The following SYNE1 variants were observed in gnomAD, a reference collection of about 807,000 sequenced individuals.
SYNE1 encodes nesprin-1.
In SYNE1, 616 loss-of-function variants were observed where a neutral mutation model predicts 1,111.0. The ratio of observed to expected loss-of-function variants is 0.55; its 90% CI spans 0.52 to 0.59. SYNE1 has a LOEUF of 0.59. Ranked by LOEUF, SYNE1 falls within the 20% of genes least tolerant of loss-of-function variation. SYNE1 has a pLI of 0.00. For synonymous variants in SYNE1, 3,855 were observed against 3,825.8 expected (o/e 1.01, Z -0.28); for missense variants, 10,006 against 10,417.0 (o/e 0.96, Z 1.72).
At chr6:152,511,502 TAGC>T (rs1402985378) in intron 6 of SYNE1, 1 of 1,424,748 alleles carries the variant, frequency 7.0e-7, no homozygotes, top group Admixed American at 1.7e-5. Context: ...TGTTACCAAA[TAGC>T]AGGTAACTTA....
chr6:152,559,451 CA>C (rs762862698), intron 3 of SYNE1, among the ~76,000 whole-genome samples: 1 of 151,452 alleles, frequency 6.6e-6, no homozygotes, highest in South Asian at 2.1e-4. Flanking sequence ...TTTCTGACCA[CA>C]AAAAAACATA....
chr6:152,234,370 C>T (rs1354840332), intron 111 of SYNE1, among the ~76,000 whole-genome samples: 1 of 152,148 alleles, frequency 6.6e-6, no homozygotes, highest in East Asian at 1.9e-4. Flanking sequence ...TCTCAGCTCG[C>T]TGCAATCTCT....
At chr6:152,387,532 ACTT>A in intron 53 of SYNE1, 151 bp from the exon 54 acceptor site, 1 of 739,902 alleles carries the variant, frequency 1.4e-6, no homozygotes, top group Non-Finnish European at 2.3e-6. Context: ...GAGAAACACT[ACTT>A]CTCTGATCCA....
At position 152,456,177 on chromosome 6, in the gene SYNE1, C is replaced by T. The variant is rs993945808; in HGVS notation, c.2569-133G>A. On this transcript the variant is annotated intron_variant, in intron 22 of 145. Transcript: ENST00000367255. ...GGCTTCTAACACCAATAAGTAAAAC[C>T]AAAAGTATGGTGGAACATTTCAAAA... The T allele has an allele frequency of 8.2e-6, 7 of 856,336 alleles. No individual in the cohort carries two copies. The Middle Eastern group carries it at 1.8e-3, about 223-fold the overall frequency. 53.0% of individuals were successfully genotyped at this position (856,336 alleles called of 1,614,324 possible).
chr6:152,238,045 C>A (rs1022211467), intron 108 of SYNE1, among the ~76,000 whole-genome samples: 24 of 152,182 alleles, frequency 1.6e-4, no homozygotes, highest in African/African-American at 5.5e-4. Flanking sequence ...CAAACCCAGG[C>A]CTTCTAGTGA....
At chr6:152,282,873 T>C (rs1336274781) in intron 96 of SYNE1, among the ~76,000 whole-genome samples, 1 of 152,126 alleles carries the variant, frequency 6.6e-6, no homozygotes, top group African/African-American at 2.4e-5. Flanking sequence ...ACTAATCATA[T>C]AATAGGTAAA....
At chr6:152,259,407 A>G (rs2091572546) in intron 101 of SYNE1, among the ~76,000 whole-genome samples, 3 of 152,200 alleles carry the variant, frequency 2.0e-5, no homozygotes, top group Admixed American at 2.0e-4. Flanking sequence ...AAGTAAACAG[A>G]TTAAGAAAAA....
At chr6:152,220,616 G>A (rs1181992040) in intron 119 of SYNE1, among the ~76,000 whole-genome samples, 1 of 152,128 alleles carries the variant, frequency 6.6e-6, no homozygotes. Flanking sequence ...TAGGAAAAAT[G>A]GGAAAACAAC....
At chr6:152,138,974 T>C (rs547403898) in intron 140 of SYNE1, among the ~76,000 whole-genome samples, 9 of 152,216 alleles carry the variant, frequency 5.9e-5, no homozygotes, top group Non-Finnish European at 8.8e-5. Flanking sequence ...AAATTGCTTC[T>C]ACCACTACTG....
chr6:152,501,460 C>T (rs1157600428), intron 10 of SYNE1, among the ~76,000 whole-genome samples: 3 of 152,108 alleles, frequency 2.0e-5, no homozygotes, highest in South Asian at 2.1e-4. Flanking sequence ...CTTGGCCAGG[C>T]GTGGTGGCTC....
intron 3 of SYNE1, chr6:152,546,939 A>T (rs376097021): frequency 6.6e-6 from 1 of 152,154 alleles, no homozygotes; most frequent in Non-Finnish European, 1.5e-5. Context: ...TAGTGTTTCA[A>T]TGAGTAAAAA....
intron 18 of SYNE1, 185 bp downstream of exon 18, chr6:152,465,073 T>A (rs1299478435): frequency 1.6e-6 from 1 of 644,020 alleles, no homozygotes; most frequent in African/African-American, 1.8e-5. Flanking sequence ...CAACCCTCCA[T>A]CAGCTTCTAT....
chr6:152,248,031 C>T (rs35065475), intron 105 of SYNE1, among the ~76,000 whole-genome samples: 88,280 of 151,892 alleles, frequency 0.58, 26,064 homozygotes, highest in East Asian at 0.76. Flanking sequence ...AACATCCCTC[C>T]CATTTCTTCT....
At chr6:152,360,376 G>A (rs760436546) in intron 64 of SYNE1, among the ~76,000 whole-genome samples, 6 of 152,004 alleles carry the variant, frequency 3.9e-5, no homozygotes, top group Non-Finnish European at 7.4e-5. Flanking sequence ...TATTCTATCC[G>A]GAATGCTGGT....
At chr6:152,587,433 T>C (rs1386234394) in intron 3 of SYNE1, among the ~76,000 whole-genome samples, 1 of 152,280 alleles carries the variant, frequency 6.6e-6, no homozygotes, top group East Asian at 1.9e-4. Flanking sequence ...TTCACTGTGA[T>C]ACATATCACT....
intron 66 of SYNE1, 95 bp from the exon 67 acceptor site, chr6:152,355,071 T>A: frequency 7.4e-7 from 1 of 1,346,544 alleles, no homozygotes; most frequent in Non-Finnish European, 1.1e-6. Context: ...CCACTTGAAC[T>A]TCTCATTAGA....
chr6:152,293,777 T>C, intron 94 of SYNE1, 28 bp from the exon 95 acceptor site: 1 of 1,613,858 alleles, frequency 6.2e-7, no homozygotes, highest in Non-Finnish European at 8.5e-7. Flanking sequence ...TATTACCAAA[T>C]GCTTCCCAGC....
intron 87 of SYNE1, among the ~76,000 whole-genome samples, chr6:152,311,654 CAG>C (rs2095550025): frequency 6.6e-6 from 1 of 152,064 alleles, no homozygotes; most frequent in Non-Finnish European, 1.5e-5. Flanking sequence ...ACATTTCAGA[CAG>C]AGAGAACAGC....
At chr6:152,465,517 T>A in intron 17 of SYNE1, 57 bp from the exon 18 acceptor site, 1 of 1,461,082 alleles carries the variant, frequency 6.8e-7, no homozygotes, top group East Asian at 2.4e-5. Flanking sequence ...CCTCTACACC[T>A]TTTTTTCTAT....
Sources: allele counts gnomAD v4.1 joint callset (sites outside exome capture counted in the v4.1 genomes callset), GRCh38; gene constraint gnomAD v4.1.1; transcripts MANE v1.5; gene names NCBI Gene and HGNC (gene_info 2026-07-23, HGNC 2026-07-21).